The following TPH2 variants were observed in gnomAD, a reference collection of about 807,000 sequenced individuals.
TPH2 encodes the protein tryptophan 5-hydroxylase 2.
TPH2 carries 27 observed loss-of-function variants against 59.1 expected under a neutral mutation model. The ratio of observed to expected loss-of-function variants is 0.46; its 90% CI spans 0.34 to 0.63. The LOEUF (loss-of-function observed/expected upper bound fraction) is 0.63. Ranked by LOEUF, TPH2 falls within the 30% of genes least tolerant of loss-of-function variation. The probability of loss-of-function intolerance (pLI) is 0.01; values close to 1 mark genes in which losing one functional copy is unlikely to be tolerated. For synonymous variants in TPH2, 220 were observed against 210.5 expected (o/e 1.05, Z -0.39); for missense variants, 523 against 588.3 (o/e 0.89, Z 1.15).
At chr12:71,961,101 A>C (rs1260799349) in intron 5 of TPH2, among the ~76,000 whole-genome samples, 1 of 152,186 alleles carries the variant, frequency 6.6e-6, no homozygotes, top group Non-Finnish European at 1.5e-5. Context: ...TGCTAGGTAC[A>C]TATTGGGTAC....
rs560621390 is a variant in TPH2 at position 71,996,506 on chromosome 12, C to A, written c.1068+1941C>A. ...TGGTTTTAAATGCCTTGTTTTGGAA[C>A]CTTTTCTGTGCATTTCAAACTTGCC... On this transcript the variant is annotated intron_variant, in intron 8 of 10. Coordinates refer to ENST00000333850, the MANE Select transcript of TPH2 (RefSeq NM_173353.4). 9.8e-5 allele frequency among the ~76,000 whole-genome samples: 15 copies of A among 152,314 alleles called. No individual in the cohort carries two copies. The East Asian group carries it at 1.9e-3, about 20-fold the overall frequency.
chr12:71,949,420 G>T (rs1300986557), intron 4 of TPH2, among the ~76,000 whole-genome samples, 168 bp from the exon 5 acceptor site: 1 of 152,132 alleles, frequency 6.6e-6, no homozygotes, highest in East Asian at 1.9e-4. Flanking sequence ...ATTTAATGAG[G>T]TTTTACTGTA....
Position 71,972,710 on chromosome 12 carries a change from T to C in TPH2, c.800T>C (p.Leu267Pro). The C allele has an allele frequency of 6.2e-7, 1 of 1,613,736 alleles. No individual in the cohort carries two copies. Among genetic ancestry groups the C allele is most frequent in the Non-Finnish European group, 8.5e-7 (1 of 1,179,978 alleles). The change falls in exon 6 of 11, where the codon CTG becomes CCG. Residue 267 changes from leucine (L) to proline (P), a missense_variant. Transcript: ENST00000333850. The stretch of plus-strand genomic sequence containing the variant: ...CAACTCGAAGATGTCTCCATGTTTC[T>C]GAAAGGTAAGATTTCACACAGGCTG... ...VPQLEDVSMF[L>P]KERSGFTVRP...
chr12:71,969,396 C>T (rs1871911216), intron 5 of TPH2, among the ~76,000 whole-genome samples: 1 of 152,174 alleles, frequency 6.6e-6, no homozygotes, highest in Non-Finnish European at 1.5e-5. Flanking sequence ...ACCCACTAAC[C>T]CATAACAAAT....
chr12:72,018,760 A>G (rs1345697867), intron 8 of TPH2, among the ~76,000 whole-genome samples: 2 of 152,202 alleles, frequency 1.3e-5, no homozygotes, highest in African/African-American at 4.8e-5. Context: ...AGATACTGTG[A>G]CATTCTAGTT....
chr12:72,003,327 A>G (rs1301415159), intron 8 of TPH2, among the ~76,000 whole-genome samples: 5 of 152,184 alleles, frequency 3.3e-5, no homozygotes, highest in Middle Eastern at 3.2e-3. Flanking sequence ...GCACTTTTAT[A>G]CATTCTTAAT....
intron 9 of TPH2, 59 bp from the exon 10 acceptor site, chr12:72,031,199 T>G (rs1323304989): frequency 1.2e-6 from 2 of 1,609,854 alleles, no homozygotes; most frequent in Non-Finnish European, 1.7e-6. Flanking sequence ...AAATGTGATG[T>G]CATGGAGCTT....
At position 72,032,119 on chromosome 12, in the gene TPH2, C is replaced by T. The variant is rs41317116; in HGVS notation, c.*424C>T. On this transcript the variant is annotated 3_prime_UTR_variant, in exon 11 of 11. Transcript: ENST00000333850. Reference sequence around the variant, plus strand: ...ATTTTCAATAGTATCAGTGTTTTCACGCATTATTTGAGATAAACCCAGAAT... The same window carrying T: ...ATTTTCAATAGTATCAGTGTTTTCATGCATTATTTGAGATAAACCCAGAAT... 1.1e-3 allele frequency: 222 copies of T among 206,418 alleles called. No individual in the cohort carries two copies. The highest frequency in any genetic ancestry group is 2.9e-3 in the Admixed American group (55 of 18,990). 12.8% of individuals were successfully genotyped at this position (206,418 alleles called of 1,614,324 possible). A position where few individuals can be genotyped will look rare whatever the true frequency, so the allele number is the denominator to read the frequency against.
chr12:71,991,210 T>A (rs893625501), intron 7 of TPH2, among the ~76,000 whole-genome samples: 2 of 152,230 alleles, frequency 1.3e-5, no homozygotes, highest in African/African-American at 4.8e-5. Context: ...ACTTTTCACC[T>A]TACGTTCTAC....
chr12:71,949,719 C>A, intron 5 of TPH2, 64 bp downstream of exon 5: 3 of 1,362,776 alleles, frequency 2.2e-6, no homozygotes, highest in Middle Eastern at 1.8e-4. Flanking sequence ...CTGTGTTAAA[C>A]AAACCTGTCA....
intron 5 of TPH2, among the ~76,000 whole-genome samples, chr12:71,968,230 G>T (rs1871871100): frequency 6.6e-6 from 1 of 152,180 alleles, no homozygotes; most frequent in Non-Finnish European, 1.5e-5. Flanking sequence ...GCAGAAATGT[G>T]CTCTGCCTCC....
chr12:71,939,134 G>C (rs1372740557), intron 1 of TPH2, 43 bp downstream of exon 1: 7 of 1,469,056 alleles, frequency 4.8e-6, no homozygotes, highest in Non-Finnish European at 6.6e-6. Context: ...TATTTTTTAG[G>C]GTGTGACCAT....
At chr12:71,959,808 G>A (rs571786670) in intron 5 of TPH2, among the ~76,000 whole-genome samples, 6 of 152,146 alleles carry the variant, frequency 3.9e-5, no homozygotes, top group South Asian at 2.1e-4. Flanking sequence ...TGGGGGGGGC[G>A]TTGCAAGTTT....
intron 8 of TPH2, among the ~76,000 whole-genome samples, chr12:72,005,325 C>T (rs557234832): frequency 6.6e-6 from 1 of 152,170 alleles, no homozygotes; most frequent in East Asian, 1.9e-4. Flanking sequence ...TCAGGGACTT[C>T]TTTACTGAGG....
rs781612841 is a variant in TPH2, at chr12:71,982,015, A to ATTTTTTT, written c.941+2939_941+2945dup. The stretch of plus-strand genomic sequence containing the variant: ...TTTTTGTGGGTTTCATATCATTCGT[A>ATTTTTTT]TTTTTTTTTTTTTTTTTAGACAGAG... On this transcript the variant is annotated intron_variant, in intron 7 of 10. Transcript: ENST00000333850. 8.4e-3 allele frequency among the ~76,000 whole-genome samples: 510 copies of ATTTTTTT among 60,490 alleles called. 118 individuals are homozygous for ATTTTTTT. The highest frequency in any genetic ancestry group is 0.014 in the Non-Finnish European group (419 of 29,270). 39.7% of individuals were successfully genotyped at this position (60,490 alleles called of 152,430 possible). A position where few individuals can be genotyped will look rare whatever the true frequency, so the allele number is the denominator to read the frequency against.
chr12:71,953,594 G>A (rs1037462475), intron 5 of TPH2, among the ~76,000 whole-genome samples: 1 of 152,112 alleles, frequency 6.6e-6, no homozygotes, highest in Admixed American at 6.5e-5. Context: ...AGTACATAAA[G>A]GAGAGTGACG....
intron 8 of TPH2, among the ~76,000 whole-genome samples, chr12:71,998,745 C>A (rs1872752718): frequency 6.6e-6 from 1 of 152,136 alleles, no homozygotes; most frequent in Non-Finnish European, 1.5e-5. Flanking sequence ...GTATTATTAG[C>A]TGATTTCCTC....
intron 8 of TPH2, among the ~76,000 whole-genome samples, chr12:72,014,035 T>C (rs912495964): frequency 2.7e-4 from 41 of 152,250 alleles, no homozygotes; most frequent in African/African-American, 9.9e-4. Context: ...AATCTAGGTG[T>C]AGCTGCAGTC....
intron 8 of TPH2, among the ~76,000 whole-genome samples, chr12:72,001,979 A>T (rs1476335228): frequency 6.6e-6 from 1 of 152,214 alleles, no homozygotes; most frequent in African/African-American, 2.4e-5. Context: ...ATAGGTTTTG[A>T]GGTCTATTGC....
Sources: gnomAD v4.1 joint callset for allele counts (sites outside exome capture counted in the v4.1 genomes callset) on GRCh38, gnomAD v4.1.1 for gene constraint, MANE v1.5 for transcripts, NCBI Gene and HGNC (gene_info 2026-07-23, HGNC 2026-07-21) for gene names.